ICA1: variants seen among roughly 807,000 people sequenced by gnomAD.
The protein encoded by ICA1 is 69 kDa islet cell autoantigen.
ICA1 carries 40 observed loss-of-function variants against 71.0 expected under a neutral mutation model. The observed-to-expected ratio is 0.56, with a 90% CI of 0.44 to 0.73. The LOEUF (loss-of-function observed/expected upper bound fraction) is 0.73, where lower values mean the gene tolerates loss of function less well. ICA1 is among the 30% of genes least tolerant of loss of function. ICA1 has a pLI of 0.00. For synonymous variants in ICA1, 207 were observed against 209.5 expected, an observed-to-expected ratio of 0.99 and a Z score of 0.10; for missense variants, 578 against 576.5, an observed-to-expected ratio of 1.00 and a Z score of -0.03.
intron 6 of ICA1, among the ~76,000 whole-genome samples, chr7:8,198,917 C>G (rs1355416212): frequency 2.0e-5 from 3 of 152,228 alleles, no homozygotes; most frequent in Non-Finnish European, 2.9e-5. Flanking sequence ...ATCTAATAAT[C>G]TGATATAAAA....
At chr7:8,167,476 G>A (rs1806464693) in intron 6 of ICA1, among the ~76,000 whole-genome samples, 1 of 152,142 alleles carries the variant, frequency 6.6e-6, no homozygotes, top group Non-Finnish European at 1.5e-5. Context: ...CTACTTGCGG[G>A]TAGGTGGAGG....
At chr7:8,169,038 A>G (rs1807246026) in intron 6 of ICA1, among the ~76,000 whole-genome samples, 1 of 152,110 alleles carries the variant, frequency 6.6e-6, no homozygotes, top group South Asian at 2.1e-4. Context: ...GCTCCTGCCA[A>G]CTACTAATCT....
At chr7:8,152,814 AT>A (rs1799861113) in intron 8 of ICA1, among the ~76,000 whole-genome samples, 8 of 82,456 alleles carry the variant, frequency 9.7e-5, no homozygotes, top group East Asian at 7.0e-4. Context: ...CACCACCACC[AT>A]CTCCTTCAAC....
intron 6 of ICA1, among the ~76,000 whole-genome samples, chr7:8,160,280 A>G (rs893004430): frequency 1.3e-5 from 2 of 152,260 alleles, no homozygotes; most frequent in East Asian, 3.8e-4. Flanking sequence ...CACAATGTAT[A>G]AAATTATAGG....
chr7:8,119,804 C>T (rs1054473497), intron 13 of ICA1, among the ~76,000 whole-genome samples: 2 of 152,124 alleles, frequency 1.3e-5, no homozygotes, highest in Non-Finnish European at 2.9e-5. Flanking sequence ...CGAGATCGTG[C>T]CACTGTACTC....
intron 3 of ICA1, among the ~76,000 whole-genome samples, chr7:8,231,259 A>G (rs1197411429): frequency 6.6e-6 from 1 of 152,142 alleles, no homozygotes. Flanking sequence ...CAAGGCCATC[A>G]TAGCTGGCTG....
At chr7:8,156,823 C>G (rs1332355624) in intron 8 of ICA1, 2 of 1,478,206 alleles carry the variant, frequency 1.4e-6, no homozygotes, top group South Asian at 1.5e-5. Context: ...TCATTAGACT[C>G]AAGTTCACCA....
At position 8,113,618 on chromosome 7, in the gene ICA1, C is replaced by G. The variant is rs1783830977; in HGVS notation, c.*305G>C. ...CATCAAAGTAGGCTTCTGATTTCAA[C>G]TTGGATCTCACGGTAGCCCAGTGAC... On this transcript the variant is annotated 3_prime_UTR_variant, in exon 14 of 14. Transcript: ENST00000402384. This position sits in a 1 kb window ranked among gnomAD's most constrained non-coding sequence, Gnocchi z 4.2. The G allele has an allele frequency of 4.4e-6, 1 of 229,732 alleles. No individual in the cohort carries two copies. The highest frequency in any genetic ancestry group is 8.7e-6 in the Non-Finnish European group (1 of 114,686). 14.2% of individuals were successfully genotyped at this position (229,732 alleles called of 1,614,324 possible).
chr7:8,135,269 C>T (rs755562439), intron 12 of ICA1, among the ~76,000 whole-genome samples: 5 of 152,076 alleles, frequency 3.3e-5, no homozygotes, highest in Admixed American at 6.6e-5. Context: ...TCAAGTGATC[C>T]GCCCATCTTG....
chr7:8,187,874 T>G (rs1784378332), intron 6 of ICA1, among the ~76,000 whole-genome samples: 1 of 152,236 alleles, frequency 6.6e-6, no homozygotes, highest in African/African-American at 2.4e-5. Context: ...CATTGTTATC[T>G]TATGGGACCA....
chr7:8,235,863 AT>A (rs1212880132), intron 2 of ICA1, 46 bp downstream of exon 2: 30 of 1,583,070 alleles, frequency 1.9e-5, no homozygotes, highest in Non-Finnish European at 2.5e-5. Context: ...ATCATATGCT[AT>A]ATGCTTTCTA....
chr7:8,211,348 C>T (rs780083467), intron 6 of ICA1, among the ~76,000 whole-genome samples: 5 of 152,184 alleles, frequency 3.3e-5, no homozygotes, highest in Non-Finnish European at 5.9e-5. Context: ...CTCACTGCCC[C>T]CCGGTGACGG....
intron 6 of ICA1, among the ~76,000 whole-genome samples, chr7:8,182,802 T>C (rs1340529571): frequency 6.6e-6 from 1 of 152,220 alleles, no homozygotes; most frequent in Non-Finnish European, 1.5e-5. Context: ...GTGTTCAATA[T>C]ATTTGTTTTT....
intron 7 of ICA1, chr7:8,157,775 C>T (rs1275500233): frequency 6.6e-6 from 1 of 150,664 alleles, no homozygotes; most frequent in Non-Finnish European, 1.5e-5. Context: ...GCTCACTTCG[C>T]CTCCCAGGTT....
In ICA1 at chr7:8,124,111, A is replaced by ATTTT. The variant is rs536582712; in HGVS notation, c.1330+3758_1330+3761dup. 4.0e-4 allele frequency among the ~76,000 whole-genome samples: 43 copies of ATTTT among 107,440 alleles called. 2 individuals carry two copies. The highest frequency in any genetic ancestry group is 5.7e-3 in the Middle Eastern group (1 of 174). 70.5% of individuals were successfully genotyped at this position (107,440 alleles called of 152,430 possible). Reference sequence around the variant, plus strand: ...AATCATAGATTCACTGAATCATACAATTTTTTTTTTTTTTTTTTTTTTTTT... The same window carrying ATTTT: ...AATCATAGATTCACTGAATCATACAATTTTTTTTTTTTTTTTTTTTTTTTTTTTT... On this transcript the variant is annotated intron_variant, in intron 13 of 13. Coordinates refer to ENST00000402384, the MANE Select transcript of ICA1 (RefSeq NM_001136020.3).
chr7:8,243,467 A>C (rs2128495199), intron 1 of ICA1, among the ~76,000 whole-genome samples: 1 of 152,360 alleles, frequency 6.6e-6, no homozygotes, highest in African/African-American at 2.4e-5. Flanking sequence ...ATCATACTGA[A>C]AGGGCAAAAA....
intron 1 of ICA1, 33 bp from the exon 2 acceptor site, chr7:8,236,038 C>T (rs1293163721): frequency 1.8e-6 from 2 of 1,124,430 alleles, no homozygotes; most frequent in Non-Finnish European, 2.6e-6. Flanking sequence ...AATAGTTACA[C>T]ACCATATTAT....
At chr7:8,164,208 G>C (rs1386335120) in intron 6 of ICA1, among the ~76,000 whole-genome samples, 1 of 149,902 alleles carries the variant, frequency 6.7e-6, no homozygotes, top group Admixed American at 6.7e-5. Flanking sequence ...GGAGGCTGAG[G>C]CAGGAGAATC....
intron 1 of ICA1, among the ~76,000 whole-genome samples, chr7:8,250,273 T>C (rs1316720100): frequency 1.3e-5 from 2 of 152,202 alleles, no homozygotes; most frequent in Non-Finnish European, 2.9e-5. Flanking sequence ...AATATTAAAA[T>C]AGTTTCAGTA....
Sources: gnomAD v4.1 joint callset for allele counts (sites outside exome capture counted in the v4.1 genomes callset) on GRCh38, gnomAD v4.1.1 for gene constraint, Gnocchi (gnomAD v3.1) non-coding constraint, MANE v1.5 for transcripts, NCBI Gene and HGNC (gene_info 2026-07-23, HGNC 2026-07-21) for gene names.